SLC4A7: variants seen among roughly 807,000 people sequenced by gnomAD.
The protein encoded by SLC4A7 is solute carrier family 4 member 7.
SLC4A7 carries 51 observed loss-of-function variants against 137.6 expected under a neutral mutation model. The ratio of observed to expected loss-of-function variants is 0.37; its 90% confidence interval spans 0.30 to 0.47. The LOEUF (loss-of-function observed/expected upper bound fraction) is 0.47, where lower values mean the gene tolerates loss of function less well. Ranked by LOEUF, SLC4A7 falls within the 20% of genes least tolerant of loss-of-function variation. The pLI is 1.00. For synonymous variants in SLC4A7, 542 were observed against 518.6 expected (o/e 1.05, Z -0.61); for missense variants, 1,247 against 1,525.4 (o/e 0.82, Z 3.04).
At chr3:27,426,800 C>T (rs1320522248) in intron 7 of SLC4A7, among the ~76,000 whole-genome samples, 1 of 152,134 alleles carries the variant, frequency 6.6e-6, no homozygotes, top group Non-Finnish European at 1.5e-5. Flanking sequence ...TCTTTCCCAA[C>T]CTCAGCTAAA....
At chr3:27,438,997 T>C (rs1195028248) in intron 3 of SLC4A7, among the ~76,000 whole-genome samples, 1 of 152,206 alleles carries the variant, frequency 6.6e-6, no homozygotes, top group Non-Finnish European at 1.5e-5. Flanking sequence ...GCATAAATAC[T>C]AGTCCAGGAC....
intron 4 of SLC4A7, among the ~76,000 whole-genome samples, chr3:27,436,886 G>C (rs1161406155): frequency 1.3e-5 from 2 of 151,960 alleles, no homozygotes; most frequent in Non-Finnish European, 2.9e-5. Flanking sequence ...CTTTATGAAA[G>C]TATAAAGGAT....
chr3:27,409,762 T>C (rs374589015), intron 12 of SLC4A7, among the ~76,000 whole-genome samples: 2 of 152,316 alleles, frequency 1.3e-5, no homozygotes, highest in East Asian at 3.9e-4. Flanking sequence ...GACTATATAA[T>C]GAAAAGACTG....
chr3:27,448,833 C>A, intron 2 of SLC4A7, 36 bp from the exon 3 acceptor site: 1 of 1,504,028 alleles, frequency 6.6e-7, no homozygotes, highest in Non-Finnish European at 8.9e-7. Flanking sequence ...ACTAGCTTTC[C>A]AAAAGAGAAA....
At chr3:27,474,841 G>A (rs1055890141) in intron 1 of SLC4A7, among the ~76,000 whole-genome samples, 2 of 152,008 alleles carry the variant, frequency 1.3e-5, no homozygotes, top group African/African-American at 4.8e-5. Context: ...CCAGTATCAG[G>A]CCAGGCGCGG....
chr3:27,457,598 C>T (rs931612928), intron 1 of SLC4A7, among the ~76,000 whole-genome samples: 1 of 152,116 alleles, frequency 6.6e-6, no homozygotes, highest in African/African-American at 2.4e-5. Flanking sequence ...GAATCTGAAA[C>T]CATTCCAAAT....
intron 11 of SLC4A7, among the ~76,000 whole-genome samples, chr3:27,412,868 GA>G (rs2054041832): frequency 6.6e-6 from 1 of 151,626 alleles, no homozygotes; most frequent in African/African-American, 2.4e-5. Context: ...ATTATATTAA[GA>G]GAAATGAAAC....
At chr3:27,451,605 G>A (rs571919436) in intron 2 of SLC4A7, among the ~76,000 whole-genome samples, 1 of 152,118 alleles carries the variant, frequency 6.6e-6, no homozygotes, top group Non-Finnish European at 1.5e-5. Context: ...ATGAGAAACT[G>A]GTATAGATTA....
chr3:27,417,841 C>T (rs1413541693), intron 11 of SLC4A7, among the ~76,000 whole-genome samples: 1 of 152,156 alleles, frequency 6.6e-6, no homozygotes, highest in Non-Finnish European at 1.5e-5. Flanking sequence ...AAAAGTCTGG[C>T]AACACACACT....
intron 10 of SLC4A7, among the ~76,000 whole-genome samples, chr3:27,419,547 G>C (rs1450211332): frequency 6.6e-6 from 1 of 151,148 alleles, no homozygotes; most frequent in Non-Finnish European, 1.5e-5. Context: ...CGTAGGCCAG[G>C]CTGGTCTCAA....
chr3:27,484,134 C>CG lies in SLC4A7; in HGVS notation c.-9dup. ...GGCCCCATCAGCCTCCATGGCCGGC[C>CG]GGCCAGCCCGTGACGGCCGCTACGG... On this transcript the variant is annotated 5_prime_UTR_variant, in exon 1 of 26. Transcript: ENST00000454389. 7.3e-7 allele frequency: 1 copy of CG among 1,371,728 alleles called. No individual in the cohort carries two copies. Among genetic ancestry groups the CG allele is most frequent in the South Asian group, 1.7e-5 (1 of 60,182 alleles). The allele number at this position is 1,371,728 out of a possible 1,614,324, so 85.0% of individuals were successfully genotyped here.
At chr3:27,472,348 G>A (rs1047206198) in intron 1 of SLC4A7, among the ~76,000 whole-genome samples, 1 of 152,138 alleles carries the variant, frequency 6.6e-6, no homozygotes, top group African/African-American at 2.4e-5. Flanking sequence ...AGTGCTTTGG[G>A]AGGACAAAGT....
intron 3 of SLC4A7, among the ~76,000 whole-genome samples, chr3:27,439,462 C>A (rs1314144058): frequency 6.6e-6 from 1 of 152,148 alleles, no homozygotes; most frequent in African/African-American, 2.4e-5. Context: ...GCATTTAGGT[C>A]TTGCACAAAT....
chr3:27,415,824 A>G (rs970097072), intron 11 of SLC4A7, among the ~76,000 whole-genome samples: 2 of 152,186 alleles, frequency 1.3e-5, no homozygotes, highest in African/African-American at 2.4e-5. Context: ...TAAAAGCTGC[A>G]TTTTCAATAT....
intron 12 of SLC4A7, among the ~76,000 whole-genome samples, chr3:27,410,849 TAA>T (rs2053834461): frequency 6.6e-6 from 1 of 152,228 alleles, no homozygotes; most frequent in Non-Finnish European, 1.5e-5. Flanking sequence ...TCAGTTTCTC[TAA>T]AGTCTATATT....
chr3:27,380,900 T>C (rs143103965), intron 24 of SLC4A7, among the ~76,000 whole-genome samples: 142 of 152,340 alleles, frequency 9.3e-4, no homozygotes, highest in African/African-American at 3.4e-3. Context: ...ATAAACCTTC[T>C]AGCTTCTAAA....
At chr3:27,404,381 A>C (rs2053119751) in intron 14 of SLC4A7, among the ~76,000 whole-genome samples, 1 of 152,212 alleles carries the variant, frequency 6.6e-6, no homozygotes, top group South Asian at 2.1e-4. Context: ...AAATGAATAC[A>C]TAAATAAATA....
In SLC4A7 at chr3:27,398,239, A is replaced by T; in HGVS notation, c.2542T>A (p.Ser848Thr). Residue 848 changes from serine (S) to threonine (T), a missense_variant, in exon 17 of 26, where the codon TCT becomes ACT. Transcript: ENST00000454389. ...VILFFTTFFL[S>T]SFLKQFKTKR... The stretch of plus-strand genomic sequence containing the variant: ...GTCTTAAATTGCTTGAGGAATGAAG[A>T]CAGAAAAAATGTTGTGAAAAACAAG... The T allele has an allele frequency of 6.2e-7, 1 of 1,613,390 alleles. No homozygotes were observed. Among genetic ancestry groups the T allele is most frequent in the Non-Finnish European group, 8.5e-7 (1 of 1,179,450 alleles).
chr3:27,390,217 A>C (rs2051393130), intron 21 of SLC4A7, 113 bp from the exon 22 acceptor site: 1 of 367,810 alleles, frequency 2.7e-6, no homozygotes, highest in South Asian at 2.8e-5. Context: ...CTTCCTTGAC[A>C]TTTTCTGATA....
Sources: gnomAD v4.1 joint callset for allele counts (sites outside exome capture counted in the v4.1 genomes callset) on GRCh38, gnomAD v4.1.1 for gene constraint, MANE v1.5 for transcripts, NCBI Gene and HGNC (gene_info 2026-07-23, HGNC 2026-07-21) for gene names.